ADGRB3: variants seen among roughly 807,000 people sequenced by gnomAD.
ADGRB3 encodes brain-specific angiogenesis inhibitor 3.
In ADGRB3, 37 loss-of-function variants were observed where a neutral mutation model predicts 193.4. The observed-to-expected ratio is 0.19, with a 90% CI of 0.15 to 0.25. The LOEUF is 0.25. Ranked by LOEUF, ADGRB3 falls within the 10% of genes least tolerant of loss-of-function variation. ADGRB3 has a pLI of 1.00. For synonymous variants in ADGRB3, 690 were observed against 644.2 expected (o/e 1.07, Z -1.08); for missense variants, 1,637 against 1,852.9 (o/e 0.88, Z 2.14).
chr6:69,354,221 C>T lies in ADGRB3; in HGVS notation c.3460-12C>T, dbSNP rs781440173. 1.9e-6 allele frequency: 3 copies of T among 1,599,100 alleles called. No homozygotes were observed. The highest frequency in any genetic ancestry group is 1.1e-5 in the South Asian group (1 of 90,722). ...AGAGAGAAGAAAATTAATGTGTTCC[C>T]CCTCCCCACAGGTTCAGGATGCATT... is the stretch of plus-strand genomic sequence containing the variant. On this transcript the variant is annotated splice_polypyrimidine_tract_variant and intron_variant, in intron 26 of 31. Transcript: ENST00000370598.
chr6:68,927,822 T>C (rs1562089221), intron 3 of ADGRB3, among the ~76,000 whole-genome samples: 1 of 152,116 alleles, frequency 6.6e-6, no homozygotes, highest in Non-Finnish European at 1.5e-5. Context: ...CAGGACCTCA[T>C]ATTAATTCTT....
At chr6:68,699,362 T>C (rs1221950704) in intron 3 of ADGRB3, among the ~76,000 whole-genome samples, 1 of 152,108 alleles carries the variant, frequency 6.6e-6, no homozygotes. Context: ...GAGATCAGTA[T>C]TTCAAAGATC....
chr6:69,374,850 G>A (rs944157380), intron 30 of ADGRB3, among the ~76,000 whole-genome samples: 1 of 152,100 alleles, frequency 6.6e-6, no homozygotes, highest in Admixed American at 6.6e-5. Context: ...AATGTTATTG[G>A]ACACTGTACC....
chr6:68,870,084 G>A (rs906994207), intron 3 of ADGRB3, among the ~76,000 whole-genome samples: 3 of 152,148 alleles, frequency 2.0e-5, no homozygotes, highest in Non-Finnish European at 4.4e-5. Context: ...CAGCCGAAAG[G>A]CAACATTCTT....
intron 17 of ADGRB3, among the ~76,000 whole-genome samples, chr6:69,094,170 G>T (rs1657736329): frequency 6.6e-6 from 1 of 152,124 alleles, no homozygotes. Flanking sequence ...TGGACATGAG[G>T]CAGAGGGAAG....
chr6:69,246,727 C>T (rs1766505281), intron 20 of ADGRB3, among the ~76,000 whole-genome samples: 1 of 152,206 alleles, frequency 6.6e-6, no homozygotes. Flanking sequence ...AATAGGATTA[C>T]TGAAACGATT....
chr6:69,238,842 A>G (rs1373257981), intron 19 of ADGRB3, among the ~76,000 whole-genome samples: 1 of 151,974 alleles, frequency 6.6e-6, no homozygotes, highest in Non-Finnish European at 1.5e-5. Context: ...TATCATGACA[A>G]CAGATGGGCA....
chr6:68,700,098 A>G (rs888425067), intron 3 of ADGRB3, among the ~76,000 whole-genome samples: 3 of 152,176 alleles, frequency 2.0e-5, no homozygotes, highest in Admixed American at 2.0e-4. Flanking sequence ...AATAAACACC[A>G]TGTGGTCTTC....
rs907898983 is a variant in ADGRB3, at chr6:68,999,426, C to T, written c.1929+5464C>T. Among the ~76,000 whole-genome samples the T allele has an allele frequency of 4.0e-5, 6 of 151,836 alleles. No individual in the cohort carries two copies. The East Asian group carries it at 5.9e-4, about 15-fold the overall frequency. Reference sequence around the variant, plus strand: ...GCTACAGACGCCCGCCACCACGCCCCGCTAATTTTTTGTATTTTTAGTAGA... The same window carrying T: ...GCTACAGACGCCCGCCACCACGCCCTGCTAATTTTTTGTATTTTTAGTAGA... On this transcript the variant is annotated intron_variant, in intron 11 of 31. Transcript: ENST00000370598.
intron 17 of ADGRB3, among the ~76,000 whole-genome samples, chr6:69,122,312 G>C (rs1463679674): frequency 1.3e-5 from 2 of 151,652 alleles, no homozygotes; most frequent in African/African-American, 2.4e-5. Context: ...AGTCAGGCGT[G>C]GTGGCACGCG....
intron 17 of ADGRB3, among the ~76,000 whole-genome samples, chr6:69,182,897 A>G (rs1561944957): frequency 6.6e-6 from 1 of 152,104 alleles, no homozygotes; most frequent in East Asian, 1.9e-4. Context: ...GTGAGCCTTT[A>G]TGAGCAGACT....
intron 17 of ADGRB3, among the ~76,000 whole-genome samples, chr6:69,122,728 AGTCT>A (rs1773746283): frequency 6.6e-6 from 1 of 151,972 alleles, no homozygotes; most frequent in Non-Finnish European, 1.5e-5. Context: ...GCTAAGACCA[AGTCT>A]ATTTTTTCAG....
chr6:69,330,488 A>G lies in ADGRB3; in HGVS notation c.3036-18A>G. The G allele has an allele frequency of 6.3e-7, 1 of 1,596,814 alleles. No homozygotes were observed. Among genetic ancestry groups the G allele is most frequent in the Non-Finnish European group, 8.5e-7 (1 of 1,170,170 alleles). On this transcript the variant is annotated intron_variant, in intron 22 of 31. Coordinates refer to ENST00000370598, the MANE Select transcript of ADGRB3 (RefSeq NM_001704.3). Reference sequence around the variant, plus strand: ...TTGTCACTAATTTTTGTTAGTTCTTATCTAATGTCATTTTCAGCTGCTGGC... The same window carrying G: ...TTGTCACTAATTTTTGTTAGTTCTTGTCTAATGTCATTTTCAGCTGCTGGC...
chr6:69,133,555 A>T (rs1774070485), intron 17 of ADGRB3, among the ~76,000 whole-genome samples: 1 of 152,120 alleles, frequency 6.6e-6, no homozygotes, highest in Non-Finnish European at 1.5e-5. Flanking sequence ...AAGAGCTGGT[A>T]CCATTCCTTC....
chr6:68,880,000 T>G (rs1039033539), intron 3 of ADGRB3, among the ~76,000 whole-genome samples: 1 of 152,194 alleles, frequency 6.6e-6, no homozygotes, highest in Non-Finnish European at 1.5e-5. Flanking sequence ...AAATAAATTG[T>G]GAGACATAAA....
intron 3 of ADGRB3, among the ~76,000 whole-genome samples, chr6:68,812,978 G>A (rs1344392741): frequency 2.6e-5 from 4 of 152,074 alleles, no homozygotes; most frequent in African/African-American, 9.6e-5. Context: ...TGAACTTTAG[G>A]AATTTTAATG....
intron 3 of ADGRB3, among the ~76,000 whole-genome samples, chr6:68,679,399 A>G (rs976654699): frequency 2.6e-5 from 4 of 152,134 alleles, no homozygotes; most frequent in African/African-American, 7.2e-5. Context: ...AGAAAGGGGA[A>G]CGCTTGCACA....
chr6:68,946,750 C>T (rs949989047), intron 6 of ADGRB3, among the ~76,000 whole-genome samples: 4 of 151,984 alleles, frequency 2.6e-5, no homozygotes, highest in African/African-American at 9.7e-5. Flanking sequence ...TGGGCAGTGA[C>T]ATTTTTGTGT....
At chr6:68,797,536 G>A (rs60892917) in intron 3 of ADGRB3, among the ~76,000 whole-genome samples, 3,998 of 152,220 alleles carry the variant, frequency 0.026, 81 homozygotes, top group African/African-American at 0.051. Context: ...TTGGAAAGTA[G>A]GGAAGTCCAG....
Sources: allele counts gnomAD v4.1 joint callset (sites outside exome capture counted in the v4.1 genomes callset), GRCh38; gene constraint gnomAD v4.1.1; transcripts MANE v1.5; gene names NCBI Gene and HGNC (gene_info 2026-07-23, HGNC 2026-07-21).